The following TMEM178B variants were observed in gnomAD, a reference collection of about 807,000 sequenced individuals.
The protein encoded by TMEM178B is transmembrane protein 178B.
A neutral mutation model predicts 31.0 loss-of-function variants in TMEM178B; 5 were observed. The ratio of observed to expected loss-of-function variants is 0.16; its 90% confidence interval spans 0.08 to 0.34. The LOEUF (loss-of-function observed/expected upper bound fraction) is 0.34. Among genes scored for constraint, TMEM178B ranks in the 10% least tolerant of loss-of-function variants. The pLI is 1.00. For missense variants in TMEM178B, 275 were observed against 400.3 expected, an observed-to-expected ratio of 0.69 and a Z score of 2.67; for synonymous variants, 164 against 164.0, an observed-to-expected ratio of 1.00 and a Z score of 0.00.
the TMEM178B span, among the ~76,000 whole-genome samples, chr7:141,485,870 G>A: frequency 1.3e-5 from 2 of 152,110 alleles, no homozygotes; most frequent in Admixed American, 1.3e-4. Flanking sequence ...GACTGCAGTT[G>A]GACTCCCTCT....
chr7:141,456,218 C>A, intron 3 of TMEM178B, among the ~76,000 whole-genome samples: 1 of 152,158 alleles, frequency 6.6e-6, no homozygotes. Flanking sequence ...GAGAATGGCA[C>A]CTTCTTACCC....
chr7:141,508,366 G>A, the TMEM178B span, among the ~76,000 whole-genome samples: 11 of 152,266 alleles, frequency 7.2e-5, no homozygotes, highest in Admixed American at 6.5e-4. Flanking sequence ...AGCATTTTAG[G>A]CAAAGCCATT....
intron 1 of TMEM178B, among the ~76,000 whole-genome samples, chr7:141,158,729 G>A (rs977706421): frequency 3.3e-5 from 5 of 152,118 alleles, no homozygotes; most frequent in Admixed American, 6.5e-5. Context: ...GCTGACAAGT[G>A]TGGATGGCTG....
intron 1 of TMEM178B, among the ~76,000 whole-genome samples, chr7:141,157,165 C>CA (rs548191397): frequency 4.1e-4 from 62 of 152,224 alleles, no homozygotes; most frequent in Non-Finnish European, 8.4e-4. Flanking sequence ...CAAGACAAGT[C>CA]ACATCGCCAA....
Position 141,474,631 on chromosome 7 carries a change from A to G in TMEM178B, c.*3845A>G, listed in dbSNP as rs939507175. On this transcript the variant is annotated 3_prime_UTR_variant, in exon 4 of 4. Transcript: ENST00000565468. ...CCAGGTGCATATCTTCCCATCAGGG[A>G]TGAGTGGTCCCACCTAGCAATGCTT... The G allele has an allele frequency of 1.3e-5, 2 of 152,190 alleles. No individual in the cohort carries two copies. Among genetic ancestry groups the G allele is most frequent in the Non-Finnish European group, 2.9e-5 (2 of 68,048 alleles). The allele number at this position is 152,190 out of a possible 1,614,324, so 9.4% of individuals were successfully genotyped here. A position where few individuals can be genotyped will look rare whatever the true frequency, so the allele number is the denominator to read the frequency against.
intron 2 of TMEM178B, among the ~76,000 whole-genome samples, chr7:141,337,373 G>A (rs1416387908): frequency 6.8e-6 from 1 of 146,778 alleles, no homozygotes; most frequent in Non-Finnish European, 1.5e-5. Context: ...CACTACCACT[G>A]CCACTACCAC....
At chr7:141,211,700 T>A (rs950278675) in intron 1 of TMEM178B, among the ~76,000 whole-genome samples, 1 of 152,202 alleles carries the variant, frequency 6.6e-6, no homozygotes, top group Non-Finnish European at 1.5e-5. Context: ...CTTTTGGAAT[T>A]TGCAAACATA....
intron 2 of TMEM178B, among the ~76,000 whole-genome samples, chr7:141,341,491 C>A (rs1450960367): frequency 6.6e-6 from 1 of 152,176 alleles, no homozygotes; most frequent in Non-Finnish European, 1.5e-5. Context: ...AGTCTGAAGG[C>A]AGCACACTCA....
intron 1 of TMEM178B, among the ~76,000 whole-genome samples, chr7:141,139,995 A>G (rs763050831): frequency 1.3e-5 from 2 of 152,032 alleles, no homozygotes; most frequent in Non-Finnish European, 2.9e-5. Context: ...TGAACTCCCG[A>G]CTTCAGGTCA....
intron 2 of TMEM178B, among the ~76,000 whole-genome samples, chr7:141,237,146 G>A (rs1037284242): frequency 6.6e-6 from 1 of 152,154 alleles, no homozygotes; most frequent in Non-Finnish European, 1.5e-5. Flanking sequence ...GTCATTGTTG[G>A]TGTGTTCATA....
the TMEM178B span, among the ~76,000 whole-genome samples, chr7:141,501,357 G>A: frequency 6.6e-6 from 1 of 150,640 alleles, no homozygotes; most frequent in African/African-American, 2.4e-5. Flanking sequence ...AACAGAGCAC[G>A]TACTACCACC....
At chr7:141,107,906 G>A (rs1182994548) in intron 1 of TMEM178B, among the ~76,000 whole-genome samples, 2 of 152,184 alleles carry the variant, frequency 1.3e-5, no homozygotes, top group Non-Finnish European at 2.9e-5. Context: ...AAAAGGAATG[G>A]CAAATAAGAT....
intron 1 of TMEM178B, among the ~76,000 whole-genome samples, chr7:141,100,472 T>C (rs2129173698): frequency 6.6e-6 from 1 of 152,312 alleles, no homozygotes; most frequent in South Asian, 2.1e-4. Flanking sequence ...ATGCTGTACT[T>C]TGTGGAGGAG....
At chr7:141,124,056 G>C (rs909467453) in intron 1 of TMEM178B, among the ~76,000 whole-genome samples, 2 of 152,002 alleles carry the variant, frequency 1.3e-5, no homozygotes, top group Non-Finnish European at 2.9e-5. Flanking sequence ...TCCCAGGCCT[G>C]AACACTCTGT....
At chr7:141,186,374 C>T (rs1324344461) in intron 1 of TMEM178B, among the ~76,000 whole-genome samples, 1 of 152,120 alleles carries the variant, frequency 6.6e-6, no homozygotes, top group Non-Finnish European at 1.5e-5. Flanking sequence ...GGTGGATTTG[C>T]ATGGCATGCC....
chr7:141,257,114 G>C (rs1019605655), intron 2 of TMEM178B, among the ~76,000 whole-genome samples: 2 of 152,190 alleles, frequency 1.3e-5, no homozygotes, highest in Non-Finnish European at 2.9e-5. Context: ...AGACTAAAAA[G>C]GAATGTCCAG....
chr7:141,215,774 TTTCCTTTC>T (rs1452731175), intron 2 of TMEM178B, among the ~76,000 whole-genome samples: 3 of 144,420 alleles, frequency 2.1e-5, no homozygotes, highest in Non-Finnish European at 4.5e-5. Flanking sequence ...AATTATATAC[TTTCCTTTC>T]TTTCTTTCTT....
chr7:141,273,138 C>A (rs1175820902), intron 2 of TMEM178B, among the ~76,000 whole-genome samples: 2 of 152,098 alleles, frequency 1.3e-5, no homozygotes, highest in Non-Finnish European at 2.9e-5. Flanking sequence ...AAGACAAATA[C>A]TGCATGATCT....
chr7:141,460,510 T>C (rs1171736888), intron 3 of TMEM178B, among the ~76,000 whole-genome samples: 1 of 152,242 alleles, frequency 6.6e-6, no homozygotes, highest in African/African-American at 2.4e-5. Context: ...AAAATTCCTG[T>C]GTTTCCATGG....
Sources: gnomAD v4.1 joint callset for allele counts (sites outside exome capture counted in the v4.1 genomes callset) on GRCh38, gnomAD v4.1.1 for gene constraint, MANE v1.5 for transcripts, NCBI Gene and HGNC (gene_info 2026-07-23, HGNC 2026-07-21) for gene names.